PRKN: variants seen among roughly 807,000 people sequenced by gnomAD.
The protein encoded by PRKN is parkin RBR E3 ubiquitin protein ligase, also known as E3 ubiquitin-protein ligase parkin.
In PRKN, 56 loss-of-function variants were observed where a neutral mutation model predicts 59.5. The ratio of observed to expected loss-of-function variants is 0.94; its 90% CI spans 0.76 to 1.18. PRKN has a LOEUF of 1.18. Ranked by LOEUF, PRKN falls within the 50% of genes most tolerant of loss-of-function variation. The pLI is 0.00. For synonymous variants in PRKN, 250 were observed against 222.1 expected (o/e 1.13, Z -1.12); for missense variants, 657 against 596.4 (o/e 1.10, Z -1.06).
At chr6:162,520,513 T>G (rs189007477) in intron 1 of PRKN, among the ~76,000 whole-genome samples, 2 of 152,332 alleles carry the variant, frequency 1.3e-5, no homozygotes, top group East Asian at 3.9e-4. Context: ...CATAATCATT[T>G]AGCCTGTGAA....
At chr6:162,011,352 T>C (rs867976255) in intron 5 of PRKN, among the ~76,000 whole-genome samples, 1,706 of 34,260 alleles carry the variant, frequency 0.05, 389 homozygotes, top group African/African-American at 0.28. Context: ...TATTATAATA[T>C]ATATTTATAA....
chr6:161,882,755 G>T (rs1794986025), intron 6 of PRKN, among the ~76,000 whole-genome samples: 1 of 152,152 alleles, frequency 6.6e-6, no homozygotes, highest in Non-Finnish European at 1.5e-5. Context: ...TGTAATCCCA[G>T]CACTTTGGGA....
intron 3 of PRKN, among the ~76,000 whole-genome samples, chr6:162,212,852 C>G (rs1288929781): frequency 1.3e-5 from 2 of 152,116 alleles, no homozygotes; most frequent in Non-Finnish European, 2.9e-5. Flanking sequence ...GTAACAGTAA[C>G]TGTAACACAA....
rs569897719 is a variant in PRKN, at chr6:161,904,505, C to T, written c.734+68797G>A. Among the ~76,000 whole-genome samples, 21 of 151,932 alleles carry T rather than the reference C, an allele frequency of 1.4e-4. No homozygotes were observed. The South Asian group carries it at 1.7e-3, about 12-fold the overall frequency. On this transcript the variant is annotated intron_variant, in intron 6 of 11. Coordinates refer to ENST00000366898, the MANE Select transcript of PRKN (RefSeq NM_004562.3). ...TAATTTTTTGTATTTTTAGTAGAGACGGGGTTTCACTGTGTCAGCCAGGAC... is the reference window on the plus strand; with the variant it reads ...TAATTTTTTGTATTTTTAGTAGAGATGGGGTTTCACTGTGTCAGCCAGGAC...
At chr6:162,152,450 A>G (rs902235727) in intron 4 of PRKN, among the ~76,000 whole-genome samples, 1 of 152,172 alleles carries the variant, frequency 6.6e-6, no homozygotes, top group African/African-American at 2.4e-5. Context: ...TCATTTCTCT[A>G]TAGGTAAGCC....
intron 9 of PRKN, among the ~76,000 whole-genome samples, chr6:161,489,208 A>C (rs201285512): frequency 1.3e-5 from 2 of 150,950 alleles, no homozygotes; most frequent in East Asian, 3.9e-4. Context: ...TTGCCTTGTC[A>C]GTTAAGTGAT....
chr6:161,652,353 A>T (rs1784180550), intron 7 of PRKN, among the ~76,000 whole-genome samples: 1 of 109,542 alleles, frequency 9.1e-6, no homozygotes, highest in African/African-American at 6.6e-5. Flanking sequence ...GGTACCTGGA[A>T]CACCATTAAT....
At chr6:162,377,909 G>A (rs1017941818) in intron 2 of PRKN, among the ~76,000 whole-genome samples, 2 of 152,132 alleles carry the variant, frequency 1.3e-5, no homozygotes, top group Admixed American at 6.5e-5. Flanking sequence ...GATGGTTCTT[G>A]GGCAAGAGGA....
At chr6:161,809,524 C>G (rs1425780120) in intron 6 of PRKN, among the ~76,000 whole-genome samples, 1 of 152,174 alleles carries the variant, frequency 6.6e-6, no homozygotes, top group Admixed American at 6.5e-5. Context: ...GCAAATATCC[C>G]AGTTGCTTAA....
chr6:161,423,265 T>C lies in PRKN; in HGVS notation c.1084-36388A>G, dbSNP rs527684052. On this transcript the variant is annotated intron_variant, in intron 9 of 11. Coordinates refer to ENST00000366898, the MANE Select transcript of PRKN (RefSeq NM_004562.3). The surrounding 1 kb of genome is among the most constrained non-coding windows in gnomAD (Gnocchi z 5.9). ...ACTCACGTTAATTTTTCTCAACTAG[T>C]ATCTGAAGGGTTGTCATGCTCTCTC... is the stretch of plus-strand genomic sequence containing the variant. Among the ~76,000 whole-genome samples, 49 of 152,294 alleles carry C rather than the reference T, an allele frequency of 3.2e-4. No individual in the cohort carries two copies. The highest frequency in any genetic ancestry group is 1.2e-3 in the African/African-American group (49 of 41,552).
At chr6:161,433,814 C>T (rs988525022) in intron 9 of PRKN, among the ~76,000 whole-genome samples, 1 of 152,014 alleles carries the variant, frequency 6.6e-6, no homozygotes, top group African/African-American at 2.4e-5. Flanking sequence ...GTCAGGAGTT[C>T]AAGACCCGCC....
chr6:162,156,038 T>C (rs1352265669), intron 4 of PRKN, among the ~76,000 whole-genome samples: 2 of 151,296 alleles, frequency 1.3e-5, no homozygotes, highest in African/African-American at 4.9e-5. Flanking sequence ...AAATGAGTCA[T>C]AAATATATGC....
At chr6:161,707,009 C>T (rs1255849934) in intron 7 of PRKN, among the ~76,000 whole-genome samples, 1 of 152,076 alleles carries the variant, frequency 6.6e-6, no homozygotes, top group African/African-American at 2.4e-5. Context: ...TTTTCATGGT[C>T]CAAATTCTGA....
chr6:162,048,499 A>C (rs1777482270), intron 5 of PRKN, among the ~76,000 whole-genome samples: 1 of 152,106 alleles, frequency 6.6e-6, no homozygotes, highest in African/African-American at 2.4e-5. Flanking sequence ...TTCGGAACTC[A>C]GAAATAATGC....
At chr6:161,746,634 G>A (rs1254184174) in intron 7 of PRKN, among the ~76,000 whole-genome samples, 12 of 140,710 alleles carry the variant, frequency 8.5e-5, no homozygotes, top group Non-Finnish European at 1.5e-4. Context: ...ACACATATAT[G>A]TATATATGTA....
At position 161,558,415 on chromosome 6, in the gene PRKN, A is replaced by T. The variant is rs950137801; in HGVS notation, c.934-9412T>A. ...CATTTCGACAAAAAATTAAAAAAAA[A>T]TTACCTGGGCATGGTGGCATGTACC... On this transcript the variant is annotated intron_variant, in intron 8 of 11. Transcript: ENST00000366898. 1.3e-5 allele frequency among the ~76,000 whole-genome samples: 2 copies of T among 152,120 alleles called. 1 individual carries two copies. Among genetic ancestry groups the T allele is most frequent in the African/African-American group, 4.8e-5 (2 of 41,494 alleles).
At chr6:161,420,752 TC>T (rs1401001509) in intron 9 of PRKN, among the ~76,000 whole-genome samples, 2 of 152,012 alleles carry the variant, frequency 1.3e-5, no homozygotes, top group East Asian at 1.9e-4. Flanking sequence ...TCCAGTGATT[TC>T]CCCCCCACAT....
chr6:161,500,936 C>T lies in PRKN; in HGVS notation c.1083+47918G>A, dbSNP rs189366437. ...TGTCGCCCGGGCTGGAGTGCAATGG[C>T]GCAATCTTGGCTCACTGCAACCTCC... is the stretch of plus-strand genomic sequence containing the variant. On this transcript the variant is annotated intron_variant, in intron 9 of 11. Transcript: ENST00000366898. Among the ~76,000 whole-genome samples the T allele has an allele frequency of 7.3e-3, 1,000 of 137,816 alleles. 15 individuals carry two copies. The highest frequency in any genetic ancestry group is 0.027 in the African/African-American group (952 of 35,788). The allele number at this position is 137,816 out of a possible 152,430, so 90.4% of individuals were successfully genotyped here.
intron 1 of PRKN, among the ~76,000 whole-genome samples, chr6:162,482,877 C>T (rs1792369479): frequency 6.6e-6 from 1 of 152,112 alleles, no homozygotes; most frequent in South Asian, 2.1e-4. Context: ...ATACCTAATA[C>T]CAAACTGACG....
Sources: allele counts gnomAD v4.1 joint callset (sites outside exome capture counted in the v4.1 genomes callset), GRCh38; gene constraint gnomAD v4.1.1; non-coding constraint Gnocchi (gnomAD v3.1); transcripts MANE v1.5; gene names NCBI Gene and HGNC (gene_info 2026-07-23, HGNC 2026-07-21).